Variants in COLGALT2 observed in about 807,000 individuals in gnomAD.
The protein encoded by COLGALT2 is collagen beta(1-O)galactosyltransferase 2, also known as procollagen galactosyltransferase 2.
Under a neutral mutation model 73.4 loss-of-function variants are expected in COLGALT2, and 49 were observed. The ratio of observed to expected loss-of-function variants is 0.67; its 90% confidence interval spans 0.53 to 0.85. COLGALT2 has a LOEUF of 0.85. Among genes scored for constraint, COLGALT2 ranks in the 40% least tolerant of loss-of-function variants. The probability of loss-of-function intolerance (pLI) is 0.00; values close to 1 mark genes in which losing one functional copy is unlikely to be tolerated. For missense variants in COLGALT2, 722 were observed against 790.2 expected (o/e 0.91, Z 1.03); for synonymous variants, 295 against 307.6 (o/e 0.96, Z 0.43).
chr1:184,019,927 T>A (rs551345871), intron 1 of COLGALT2, among the ~76,000 whole-genome samples: 2 of 152,206 alleles, frequency 1.3e-5, no homozygotes, highest in East Asian at 3.8e-4. Flanking sequence ...AACGCAGTGA[T>A]GCATGCTGTA....
chr1:183,999,805 C>T (rs1188024270), intron 1 of COLGALT2, among the ~76,000 whole-genome samples: 1 of 152,010 alleles, frequency 6.6e-6, no homozygotes, highest in Non-Finnish European at 1.5e-5. Context: ...TTCTCCTTTT[C>T]ATCCTTTATA....
chr1:184,022,449 G>A (rs1303561801), intron 1 of COLGALT2, among the ~76,000 whole-genome samples: 2 of 152,130 alleles, frequency 1.3e-5, no homozygotes, highest in African/African-American at 2.4e-5. Context: ...GGAGAAAATG[G>A]AGCCAAACAA....
Position 183,955,048 on chromosome 1 carries a change from G to T in COLGALT2, c.953-210C>A, listed in dbSNP as rs140172497. ...AGGAGCATTTGATTATATGGAGATT[G>T]CAACATTTGCTCCACTTCCCTTAAG... On this transcript the variant is annotated intron_variant, in intron 6 of 11. Transcript: ENST00000361927. 2.4e-3 allele frequency among the ~76,000 whole-genome samples: 372 copies of T among 152,308 alleles called. 2 individuals are homozygous for T. The highest frequency in any genetic ancestry group is 8.4e-3 in the African/African-American group (350 of 41,562).
Position 183,938,881 on chromosome 1 carries a change from C to A in COLGALT2, c.1761G>T (p.Trp587Cys), listed in dbSNP as rs747187752. 3.1e-6 allele frequency: 5 copies of A among 1,614,124 alleles called. No individual in the cohort carries two copies. In the South Asian group the frequency reaches 5.5e-5, roughly 18 times the overall value. The change falls in exon 12 of 12, where the codon TGG (tryptophan) becomes TGT (cysteine). Residue 587 changes from tryptophan (W) to cysteine (C), a missense_variant. Coordinates refer to ENST00000361927, the MANE Select transcript of COLGALT2 (RefSeq NM_015101.4). ...IWDNETVATDWDRTHAWKSRK... is the reference protein window; with the variant it reads ...IWDNETVATDCDRTHAWKSRK... ...GGGACTTCCAGGCATGTGTCCTATC[C>A]CAGTCGGTGGCCACTGTCTCATTGT...
At chr1:183,996,073 G>A (rs1671761761) in intron 1 of COLGALT2, among the ~76,000 whole-genome samples, 1 of 151,994 alleles carries the variant, frequency 6.6e-6, no homozygotes, top group South Asian at 2.1e-4. Context: ...TTCTAGTCTT[G>A]TCCCAACTGG....
chr1:183,991,824 C>T (rs1468042809), intron 1 of COLGALT2, among the ~76,000 whole-genome samples: 3 of 151,800 alleles, frequency 2.0e-5, no homozygotes, highest in East Asian at 1.9e-4. Flanking sequence ...TTTACTTAGT[C>T]GTAGTGTCAG....
chr1:183,942,105 T>C (rs1205105890), intron 10 of COLGALT2, among the ~76,000 whole-genome samples: 3 of 152,050 alleles, frequency 2.0e-5, no homozygotes, highest in Non-Finnish European at 2.9e-5. Flanking sequence ...CCCGCCACCA[T>C]GCCCGGCTAA....
intron 1 of COLGALT2, among the ~76,000 whole-genome samples, chr1:183,988,302 G>A (rs932400662): frequency 1.5e-4 from 23 of 152,136 alleles, no homozygotes; most frequent in African/African-American, 4.8e-4. Context: ...CTCTCATTGC[G>A]CAGCAACTAA....
At position 183,936,582 on chromosome 1, in the gene COLGALT2, A is replaced by G; in HGVS notation, c.*2179T>C. The G allele has an allele frequency of 1.7e-6, 2 of 1,151,708 alleles. No homozygotes were observed. Among genetic ancestry groups the G allele is most frequent in the Non-Finnish European group, 2.1e-6 (2 of 938,078 alleles). The allele number at this position is 1,151,708 out of a possible 1,614,324, so 71.3% of individuals were successfully genotyped here. A position where few individuals can be genotyped will look rare whatever the true frequency, so the allele number is the denominator to read the frequency against. On this transcript the variant is annotated 3_prime_UTR_variant, in exon 12 of 12. Coordinates refer to ENST00000361927, the MANE Select transcript of COLGALT2 (RefSeq NM_015101.4). ...CAAAAATCAACCCAAACTTCCTTCA[A>G]CCCCAGCACCCCAGCCACCTCCCAC...
At chr1:183,987,966 G>A (rs908387905) in intron 1 of COLGALT2, among the ~76,000 whole-genome samples, 5 of 152,176 alleles carry the variant, frequency 3.3e-5, no homozygotes, top group Non-Finnish European at 5.9e-5. Flanking sequence ...CTGGCAGGAG[G>A]TCTCTGGAAA....
At chr1:184,024,023 A>T (rs937317463) in intron 1 of COLGALT2, among the ~76,000 whole-genome samples, 1 of 152,236 alleles carries the variant, frequency 6.6e-6, no homozygotes, top group African/African-American at 2.4e-5. Context: ...CTACAGAAGA[A>T]GTCAAATCTA....
At position 183,936,394 on chromosome 1, in the gene COLGALT2, A is replaced by C; in HGVS notation, c.*2367T>G. 1.0e-6 allele frequency: 1 copy of C among 986,030 alleles called. No homozygotes were observed. The highest frequency in any genetic ancestry group is 1.2e-6 in the Non-Finnish European group (1 of 830,066). 61.1% of individuals were successfully genotyped at this position (986,030 alleles called of 1,614,324 possible). Reference sequence around the variant, plus strand: ...ATTCTAGACCTGAGCAGGGAGAAACAAACCGGGCTAAAGGAGACAGAACTT... The same window carrying C: ...ATTCTAGACCTGAGCAGGGAGAAACCAACCGGGCTAAAGGAGACAGAACTT... On this transcript the variant is annotated 3_prime_UTR_variant, in exon 12 of 12. Transcript: ENST00000361927.
chr1:183,991,265 T>C (rs1490876078), intron 1 of COLGALT2, among the ~76,000 whole-genome samples: 1 of 152,232 alleles, frequency 6.6e-6, no homozygotes, highest in Admixed American at 6.5e-5. Context: ...AAAGTGGTTA[T>C]ATTTATTAAG....
At chr1:184,022,798 T>C (rs891503011) in intron 1 of COLGALT2, among the ~76,000 whole-genome samples, 4 of 152,226 alleles carry the variant, frequency 2.6e-5, no homozygotes, top group African/African-American at 4.8e-5. Context: ...TTAAATCACA[T>C]TGACTATGAT....
At chr1:184,003,123 G>A (rs1238354355) in intron 1 of COLGALT2, among the ~76,000 whole-genome samples, 1 of 152,164 alleles carries the variant, frequency 6.6e-6, no homozygotes, top group Non-Finnish European at 1.5e-5. Context: ...ATTTCAGGGG[G>A]AAAGATCATA....
intron 1 of COLGALT2, among the ~76,000 whole-genome samples, chr1:184,023,876 CT>C (rs1162465557): frequency 6.6e-6 from 1 of 151,976 alleles, no homozygotes; most frequent in Non-Finnish European, 1.5e-5. Context: ...TCATCACAGC[CT>C]TTTTTTGCTT....
chr1:184,013,436 T>TA (rs1199861009), intron 1 of COLGALT2, among the ~76,000 whole-genome samples: 1 of 152,070 alleles, frequency 6.6e-6, no homozygotes, highest in African/African-American at 2.4e-5. Context: ...TTACAAACCT[T>TA]AAAAAATAGG....
At chr1:183,996,671 T>G (rs1163698610) in intron 1 of COLGALT2, among the ~76,000 whole-genome samples, 4 of 152,198 alleles carry the variant, frequency 2.6e-5, no homozygotes, top group African/African-American at 9.6e-5. Flanking sequence ...AAAACCTCAG[T>G]GCAGTGGCCT....
chr1:183,958,642 C>T (rs1442406364), intron 6 of COLGALT2, among the ~76,000 whole-genome samples: 1 of 150,568 alleles, frequency 6.6e-6, no homozygotes, highest in East Asian at 1.9e-4. Context: ...AGTCCACAAA[C>T]CAAACTGCAT....
Sources: gnomAD v4.1 joint callset for allele counts (sites outside exome capture counted in the v4.1 genomes callset) on GRCh38, gnomAD v4.1.1 for gene constraint, MANE v1.5 for transcripts, NCBI Gene and HGNC (gene_info 2026-07-23, HGNC 2026-07-21) for gene names.